Variants in ARID1B observed in about 807,000 individuals in gnomAD.
ARID1B encodes AT-rich interactive domain-containing protein 1B.
ARID1B carries 30 observed loss-of-function variants against 212.3 expected under a neutral mutation model. The observed-to-expected ratio is 0.14, with a 90% CI of 0.11 to 0.19. The LOEUF (loss-of-function observed/expected upper bound fraction) is 0.19, where lower values mean the gene tolerates loss of function less well. ARID1B is among the 10% of genes least tolerant of loss of function. ARID1B has a pLI of 1.00. For missense variants in ARID1B, 2,891 were observed against 3,204.0 expected (o/e 0.90, Z 2.36); for synonymous variants, 1,402 against 1,301.7 (o/e 1.08, Z -1.66).
upstream of ARID1B, chr6:156,776,332 A>G (rs1045856100): frequency 7.2e-5 from 11 of 152,218 alleles, no homozygotes; most frequent in Non-Finnish European, 1.5e-4. Context: ...TTAAGAGAAC[A>G]AAGTATGGAA....
intron 4 of ARID1B, among the ~76,000 whole-genome samples, chr6:157,000,696 C>CTTTTTT (rs10536002): frequency 1.9e-4 from 19 of 99,228 alleles, no homozygotes; most frequent in African/African-American, 6.4e-4. Context: ...TCTAATTATT[C>CTTTTTT]TTTTTTTTTT....
intron 3 of ARID1B, among the ~76,000 whole-genome samples, chr6:156,910,021 C>T (rs1789737736): frequency 6.6e-6 from 1 of 152,196 alleles, no homozygotes; most frequent in Non-Finnish European, 1.5e-5. Flanking sequence ...ATGCTGGTGA[C>T]CCTAGGCCAC....
At chr6:157,090,673 C>CAT (rs1170978371) in intron 5 of ARID1B, among the ~76,000 whole-genome samples, 7 of 152,098 alleles carry the variant, frequency 4.6e-5, no homozygotes, top group Admixed American at 4.6e-4. Context: ...TTTCTTTTCA[C>CAT]ATTTCGTGCT....
intron 1 of ARID1B, among the ~76,000 whole-genome samples, chr6:156,805,887 A>G (rs900014041): frequency 6.6e-6 from 1 of 151,844 alleles, no homozygotes; most frequent in Non-Finnish European, 1.5e-5. Flanking sequence ...GTGTTGCCTA[A>G]ACTGGTCTCA....
At chr6:156,864,889 CTGT>C (rs1212044717) in intron 2 of ARID1B, among the ~76,000 whole-genome samples, 1 of 152,142 alleles carries the variant, frequency 6.6e-6, no homozygotes, top group African/African-American at 2.4e-5. Context: ...ATGTCATAAA[CTGT>C]TGTTTTCCTT....
At chr6:156,959,781 T>C (rs914918414) in intron 4 of ARID1B, among the ~76,000 whole-genome samples, 1 of 152,076 alleles carries the variant, frequency 6.6e-6, no homozygotes, top group African/African-American at 2.4e-5. Flanking sequence ...AAATAAAAAA[T>C]ATGTCCACCA....
In ARID1B at chr6:157,206,664, T is replaced by C; in HGVS notation, c.5892T>C (p.Pro1964=). 1 of 1,612,640 alleles carries C rather than the reference T, an allele frequency of 6.2e-7. No individual in the cohort carries two copies. The highest frequency in any genetic ancestry group is 8.5e-7 in the Non-Finnish European group (1 of 1,179,848). Residue 1964 remains proline (P), a synonymous_variant, in exon 20 of 20, where the codon CCT becomes CCC. Coordinates refer to ENST00000636930, the MANE Select transcript of ARID1B (RefSeq NM_001374828.1). This position sits in a 1 kb window ranked among gnomAD's most constrained non-coding sequence, Gnocchi z 6.8. ...QTHFESKMEI[P]PRRRPPPPLS... ...ACTTTGAGAGCAAGATGGAAATTCC[T>C]CCTCGCAGGCGCCCACCTCCCCCCT... is the stretch of plus-strand genomic sequence containing the variant.
intron 1 of ARID1B, among the ~76,000 whole-genome samples, chr6:156,784,533 T>G (rs1164330381): frequency 6.6e-6 from 1 of 152,194 alleles, no homozygotes; most frequent in Non-Finnish European, 1.5e-5. Context: ...TAGGTATCAG[T>G]CATTACCTGA....
At chr6:157,042,169 G>A (rs930896186) in intron 4 of ARID1B, among the ~76,000 whole-genome samples, 6 of 152,236 alleles carry the variant, frequency 3.9e-5, no homozygotes, top group Non-Finnish European at 5.9e-5. Context: ...ATATCCTGCC[G>A]AATGAATGAA....
intron 2 of ARID1B, among the ~76,000 whole-genome samples, chr6:156,900,613 A>G (rs1327091679): frequency 6.6e-6 from 1 of 152,188 alleles, no homozygotes; most frequent in Non-Finnish European, 1.5e-5. Flanking sequence ...TTACAGAAAA[A>G]GGCAATAGAT....
chr6:156,886,629 G>A (rs1002533229), intron 2 of ARID1B, among the ~76,000 whole-genome samples: 1 of 152,142 alleles, frequency 6.6e-6, no homozygotes, highest in African/African-American at 2.4e-5. Context: ...GAGCACTTCC[G>A]TTTGTGACTA....
rs191094297 is a variant in ARID1B, at chr6:157,201,738, G to A, written c.5263+250G>A. Among the ~76,000 whole-genome samples, 6 of 152,260 alleles carry A rather than the reference G, an allele frequency of 3.9e-5. No individual in the cohort carries two copies. The East Asian group carries it at 5.8e-4, about 15-fold the overall frequency. ...TACCAGCACTTTGGGAGGCCCAGGC[G>A]GGTGGATCACGAGGTCACGAGATCG... On this transcript the variant is annotated intron_variant, in intron 18 of 19. Transcript: ENST00000636930. The surrounding 1 kb of genome is among the most constrained non-coding windows in gnomAD (Gnocchi z 5.2).
At chr6:156,833,718 G>A (rs970596521) in intron 2 of ARID1B, among the ~76,000 whole-genome samples, 1 of 152,196 alleles carries the variant, frequency 6.6e-6, no homozygotes. Flanking sequence ...AATTATTTTT[G>A]TTAAGGTGAT....
At chr6:156,826,308 T>G (rs570383472) in intron 1 of ARID1B, among the ~76,000 whole-genome samples, 1 of 152,330 alleles carries the variant, frequency 6.6e-6, no homozygotes, top group East Asian at 1.9e-4. Context: ...AGGAAGCCTT[T>G]GTTAAAGCCC....
intron 6 of ARID1B, among the ~76,000 whole-genome samples, chr6:157,120,734 GA>G (rs1787651751): frequency 6.6e-6 from 1 of 152,218 alleles, no homozygotes; most frequent in Non-Finnish European, 1.5e-5. Context: ...CTGGCTTGAA[GA>G]GACAGATGCC....
In ARID1B at chr6:157,209,115, A is replaced by C; in HGVS notation, c.*1224A>C. 1 of 230,504 alleles carries C rather than the reference A, an allele frequency of 4.3e-6. No homozygotes were observed. Among genetic ancestry groups the C allele is most frequent in the East Asian group, 6.2e-5 (1 of 16,142 alleles). The allele number at this position is 230,504 out of a possible 1,614,324, so 14.3% of individuals were successfully genotyped here. ...GATGAGAATCCACATTTGTATTTCA[A>C]GATAATGTAGTTTAAAAAAAAAAAA... On this transcript the variant is annotated 3_prime_UTR_variant, in exon 20 of 20. Coordinates refer to ENST00000636930, the MANE Select transcript of ARID1B (RefSeq NM_001374828.1).
rs1374041073 is a variant in ARID1B at position 156,778,967 on chromosome 6, G to A, written c.1287G>A (p.Ala429=). 6 of 1,285,780 alleles carry A rather than the reference G, an allele frequency of 4.7e-6. No individual in the cohort carries two copies. The African/African-American group carries it at 9.4e-5, about 20-fold the overall frequency. The allele number at this position is 1,285,780 out of a possible 1,614,324, so 79.6% of individuals were successfully genotyped here. ...CTGTGGCGGCGGCGGCCGCGGCGGC[G>A]GCGGCAGCAGCAGGAGGCGGCGGCG... ...AGAVAAAAAA[A]AAAAGGGGGG... The change falls in exon 1 of 20, where the codon GCG becomes GCA. Residue 429 remains alanine, a synonymous_variant. Transcript: ENST00000636930.
chr6:157,060,816 T>C (rs975013987), intron 4 of ARID1B, among the ~76,000 whole-genome samples: 2 of 152,160 alleles, frequency 1.3e-5, no homozygotes, highest in Non-Finnish European at 2.9e-5. Flanking sequence ...TCAGCTTCTC[T>C]GAGCTGTCCT....
At chr6:157,180,884 G>C (rs1020560265) in intron 11 of ARID1B, 85 bp from the exon 12 acceptor site, 8 of 1,123,074 alleles carry the variant, frequency 7.1e-6, no homozygotes, top group Non-Finnish European at 1.0e-5. Flanking sequence ...TCTTGTATTT[G>C]TTAGCTCATT....
Sources: allele counts gnomAD v4.1 joint callset (sites outside exome capture counted in the v4.1 genomes callset), GRCh38; gene constraint gnomAD v4.1.1; non-coding constraint Gnocchi (gnomAD v3.1); transcripts MANE v1.5; gene names NCBI Gene and HGNC (gene_info 2026-07-23, HGNC 2026-07-21).